Variants in LRRC7 observed in about 807,000 individuals in gnomAD.
LRRC7 encodes leucine rich repeat containing 7, also known as leucine-rich repeat-containing protein 7.
Under a neutral mutation model 175.7 loss-of-function variants are expected in LRRC7, and 23 were observed. That is an observed-to-expected ratio of 0.13 (90% CI 0.09 to 0.19). The LOEUF (loss-of-function observed/expected upper bound fraction) is 0.19. LRRC7 is among the 10% of genes least tolerant of loss of function. The pLI is 1.00. For missense variants in LRRC7, 1,354 were observed against 1,904.7 expected (o/e 0.71, Z 5.38); for synonymous variants, 685 against 680.9 (o/e 1.01, Z -0.09).
At chr1:70,061,082 A>T (rs1242917143) in intron 23 of LRRC7, among the ~76,000 whole-genome samples, 1 of 151,934 alleles carries the variant, frequency 6.6e-6, no homozygotes, top group Non-Finnish European at 1.5e-5. Flanking sequence ...AATGAGAACA[A>T]TCTTCTCCAT....
At chr1:70,020,612 C>T (rs1294974648) in intron 15 of LRRC7, among the ~76,000 whole-genome samples, 1 of 151,982 alleles carries the variant, frequency 6.6e-6, no homozygotes, top group Non-Finnish European at 1.5e-5. Flanking sequence ...TTGAGCAAGT[C>T]CCTTAAAACT....
chr1:69,829,427 A>T (rs749534195), intron 5 of LRRC7, among the ~76,000 whole-genome samples: 3 of 151,876 alleles, frequency 2.0e-5, no homozygotes, highest in Non-Finnish European at 4.4e-5. Flanking sequence ...GATAATTGGG[A>T]TATCCATCAC....
chr1:70,066,407 A>G (rs1237218972), intron 23 of LRRC7, among the ~76,000 whole-genome samples: 1 of 152,026 alleles, frequency 6.6e-6, no homozygotes, highest in Non-Finnish European at 1.5e-5. Context: ...TTTTTTAATT[A>G]ACTCCTGGCA....
intron 26 of LRRC7, among the ~76,000 whole-genome samples, chr1:70,115,504 A>T (rs956659889): frequency 1.7e-4 from 26 of 152,146 alleles, no homozygotes; most frequent in African/African-American, 5.8e-4. Context: ...CTTTCACACC[A>T]TTACGCAATA....
At chr1:69,712,490 G>T (rs1040226411) in intron 2 of LRRC7, among the ~76,000 whole-genome samples, 16 of 151,954 alleles carry the variant, frequency 1.1e-4, no homozygotes, top group African/African-American at 3.9e-4. Flanking sequence ...TGTAATCCAA[G>T]CTATTCAGGA....
At chr1:70,018,087 A>G (rs543319064) in intron 14 of LRRC7, among the ~76,000 whole-genome samples, 185 of 152,202 alleles carry the variant, frequency 1.2e-3, no homozygotes, top group African/African-American at 4.3e-3. Flanking sequence ...ATTAGATAAT[A>G]TCATTTCCAA....
At chr1:70,095,328 T>G (rs560574410) in intron 25 of LRRC7, among the ~76,000 whole-genome samples, 1 of 152,200 alleles carries the variant, frequency 6.6e-6, no homozygotes, top group African/African-American at 2.4e-5. Flanking sequence ...CATAACTGAT[T>G]ACTTCAGCTG....
chr1:69,619,021 G>T (rs1255722091), intron 1 of LRRC7, among the ~76,000 whole-genome samples: 2 of 152,146 alleles, frequency 1.3e-5, no homozygotes, highest in Non-Finnish European at 2.9e-5. Flanking sequence ...TTGACAGTGA[G>T]TGGCTTAGAT....
intron 8 of LRRC7, among the ~76,000 whole-genome samples, chr1:69,971,975 T>TA (rs2101869053): frequency 6.6e-6 from 1 of 152,280 alleles, no homozygotes; most frequent in African/African-American, 2.4e-5. Context: ...CCCTCATACT[T>TA]ACAGCCAACT....
At chr1:70,097,578 A>G (rs1314578766) in intron 25 of LRRC7, among the ~76,000 whole-genome samples, 1 of 150,104 alleles carries the variant, frequency 6.7e-6, no homozygotes, top group Admixed American at 6.6e-5. Flanking sequence ...GTCATCTAGC[A>G]TTAGGTATAT....
chr1:69,902,584 A>C (rs1203093996), intron 7 of LRRC7, among the ~76,000 whole-genome samples: 1 of 152,300 alleles, frequency 6.6e-6, no homozygotes, highest in South Asian at 2.1e-4. Flanking sequence ...AAAACAAAAA[A>C]AAAAGCTTCA....
At chr1:69,838,114 T>C in intron 6 of LRRC7, 113 bp from the exon 7 acceptor site, 1 of 608,022 alleles carries the variant, frequency 1.6e-6, no homozygotes, top group Non-Finnish European at 2.9e-6. Context: ...TATTTTTAAA[T>C]ATACATTATT....
intron 8 of LRRC7, 58 bp from the exon 9 acceptor site, chr1:69,980,321 A>T: frequency 2.3e-6 from 3 of 1,312,490 alleles, no homozygotes; most frequent in Admixed American, 3.5e-5. Flanking sequence ...TGTTTGTGAT[A>T]AGTAAAAACT....
intron 8 of LRRC7, among the ~76,000 whole-genome samples, chr1:69,952,014 A>G (rs1013673274): frequency 6.6e-6 from 1 of 152,050 alleles, no homozygotes; most frequent in African/African-American, 2.4e-5. Context: ...GAGCTAGATA[A>G]ATATTTGAGA....
chr1:69,780,674 C>A (rs186336985), intron 3 of LRRC7, among the ~76,000 whole-genome samples: 1 of 152,180 alleles, frequency 6.6e-6, no homozygotes, highest in East Asian at 1.9e-4. Context: ...TTGTTTTAAA[C>A]AAAGGAAATT....
At chr1:70,003,001 G>A (rs1234745869) in intron 11 of LRRC7, among the ~76,000 whole-genome samples, 1 of 152,118 alleles carries the variant, frequency 6.6e-6, no homozygotes, top group Admixed American at 6.6e-5. Flanking sequence ...TCATGGATGG[G>A]GTGGCATAAA....
At chr1:69,902,048 C>A (rs1481561572) in intron 7 of LRRC7, among the ~76,000 whole-genome samples, 2 of 152,070 alleles carry the variant, frequency 1.3e-5, no homozygotes, top group Admixed American at 6.6e-5. Context: ...ACTGTGTCTG[C>A]TTTGTTAATC....
chr1:69,943,436 C>T (rs1218707757), intron 8 of LRRC7, among the ~76,000 whole-genome samples: 2 of 151,980 alleles, frequency 1.3e-5, no homozygotes, highest in East Asian at 3.9e-4. Flanking sequence ...TAGATTGGTG[C>T]TTTCCAGGGT....
chr1:70,031,585 A>G (rs1176324965), intron 18 of LRRC7, among the ~76,000 whole-genome samples: 2 of 152,198 alleles, frequency 1.3e-5, no homozygotes, highest in African/African-American at 4.8e-5. Flanking sequence ...AAGTTGAAAG[A>G]GAAAATAATA....
Sources: gnomAD v4.1 joint callset for allele counts (sites outside exome capture counted in the v4.1 genomes callset) on GRCh38, gnomAD v4.1.1 for gene constraint, MANE v1.5 for transcripts, NCBI Gene and HGNC (gene_info 2026-07-23, HGNC 2026-07-21) for gene names.